Variants in LIMA1 observed in about 807,000 individuals in gnomAD.
LIMA1 encodes LIM domain and actin-binding protein 1.
Under a neutral mutation model 62.6 loss-of-function variants are expected in LIMA1, and 52 were observed. The ratio of observed to expected loss-of-function variants is 0.83; its 90% confidence interval spans 0.67 to 1.05. The LOEUF (loss-of-function observed/expected upper bound fraction) is 1.05, where lower values mean the gene tolerates loss of function less well. LIMA1 is among the 50% of genes least tolerant of loss of function. The probability of loss-of-function intolerance (pLI) is 0.00; values close to 1 mark genes in which losing one functional copy is unlikely to be tolerated. For synonymous variants in LIMA1, 302 were observed against 317.8 expected (o/e 0.95, Z 0.53); for missense variants, 780 against 902.2 (o/e 0.86, Z 1.74).
At chr12:50,267,844 T>C (rs1942158011) in intron 1 of LIMA1, among the ~76,000 whole-genome samples, 1 of 152,078 alleles carries the variant, frequency 6.6e-6, no homozygotes, top group African/African-American at 2.4e-5. Flanking sequence ...TGGTGAAGAA[T>C]GAGGTCTCAC....
chr12:50,236,564 G>T (rs1430794897), intron 2 of LIMA1, among the ~76,000 whole-genome samples: 1 of 152,068 alleles, frequency 6.6e-6, no homozygotes, highest in African/African-American at 2.4e-5. Flanking sequence ...CTCCCAAAGT[G>T]CTGGGATTAC....
chr12:50,184,976 C>T (rs1018062476), intron 9 of LIMA1, among the ~76,000 whole-genome samples: 4 of 152,018 alleles, frequency 2.6e-5, no homozygotes, highest in Admixed American at 1.3e-4. Flanking sequence ...GGATTACAGG[C>T]GTGCACCACC....
Position 50,232,561 on chromosome 12 carries a change from G to A in LIMA1, c.120-851C>T, listed in dbSNP as rs12300464. 2.8e-3 allele frequency among the ~76,000 whole-genome samples: 428 copies of A among 152,006 alleles called. 3 individuals are homozygous for A. The highest frequency in any genetic ancestry group is 9.5e-3 in the African/African-American group (396 of 41,480). ...ATTTTGTATTTTTCGTAGAGACAGG[G>A]TTTCACCATGTTGACCAGGCCAGTC... On this transcript the variant is annotated intron_variant, in intron 2 of 10. Coordinates refer to ENST00000341247, the MANE Select transcript of LIMA1 (RefSeq NM_016357.5).
intron 9 of LIMA1, chr12:50,190,016 T>A (rs1363739408): frequency 3.0e-5 from 2 of 66,812 alleles, no homozygotes; most frequent in Non-Finnish European, 7.3e-5. Context: ...GGCCAATTTT[T>A]TTTTTTTTTT....
intron 8 of LIMA1, among the ~76,000 whole-genome samples, chr12:50,193,517 TATATATACA>T (rs1565833086): frequency 2.9e-5 from 4 of 136,978 alleles, no homozygotes; most frequent in Admixed American, 1.6e-4. Context: ...GTATATATGA[TATATATACA>T]CATATATGAT....
intron 1 of LIMA1, among the ~76,000 whole-genome samples, chr12:50,279,003 T>C (rs1942306384): frequency 8.7e-6 from 1 of 114,428 alleles, no homozygotes; most frequent in Non-Finnish European, 1.7e-5. Context: ...TTTTTTTCTT[T>C]TCTTTTCTTT....
intron 9 of LIMA1, chr12:50,186,222 G>A (rs986844569): frequency 6.6e-6 from 1 of 152,144 alleles, no homozygotes; most frequent in Non-Finnish European, 1.5e-5. Flanking sequence ...CTGCCAATAC[G>A]ACAATGTTAG....
chr12:50,282,549 A>T (rs1026412188), intron 1 of LIMA1, among the ~76,000 whole-genome samples: 1 of 152,186 alleles, frequency 6.6e-6, no homozygotes, highest in Non-Finnish European at 1.5e-5. Context: ...TTTTTTGTAG[A>T]GACAAGGGTC....
intron 1 of LIMA1, among the ~76,000 whole-genome samples, chr12:50,269,918 C>CAAAAAAAAAAAAAAAAAA (rs1423265745): frequency 1.1e-5 from 1 of 88,136 alleles, no homozygotes; most frequent in African/African-American, 4.7e-5. Flanking sequence ...AAAACTCCGT[C>CAAAAAAAAAAAAAAAAAA]AAATAAAAAA....
chr12:50,258,639 C>CTTTTTTTTTTTTTTT (rs34324226), intron 1 of LIMA1, among the ~76,000 whole-genome samples: 1 of 67,384 alleles, frequency 1.5e-5, no homozygotes, highest in Admixed American at 1.6e-4. Flanking sequence ...TCTACCTATA[C>CTTTTTTTTTTTTTTT]TTTTTTTTTT....
At chr12:50,263,857 G>GAGTATATATATATATATATAGAGAGTA (rs1255520197) in intron 1 of LIMA1, among the ~76,000 whole-genome samples, 1 of 125,684 alleles carries the variant, frequency 8.0e-6, no homozygotes, top group East Asian at 2.2e-4. Context: ...TATATAGAGA[G>GAGTATATATATATATATATAGAGAGTA]TATATATATA....
intron 7 of LIMA1, among the ~76,000 whole-genome samples, chr12:50,197,063 GTAATCTT>G (rs1213430251): frequency 6.8e-6 from 1 of 147,930 alleles, no homozygotes; most frequent in East Asian, 2.0e-4. Flanking sequence ...AACCTGTGAG[GTAATCTT>G]TGCTTTTTTT....
chr12:50,184,316 T>C (rs1332997537), intron 9 of LIMA1, among the ~76,000 whole-genome samples: 1 of 152,190 alleles, frequency 6.6e-6, no homozygotes, highest in Non-Finnish European at 1.5e-5. Flanking sequence ...TTTAATTAAG[T>C]TTTCTCTAAA....
chr12:50,270,486 TC>T (rs753673276), intron 1 of LIMA1, among the ~76,000 whole-genome samples: 175 of 151,416 alleles, frequency 1.2e-3, no homozygotes, highest in Non-Finnish European at 2.2e-3. Flanking sequence ...GAGCCTGTAA[TC>T]CCAGCTACTC....
chr12:50,200,791 G>C lies in LIMA1; in HGVS notation c.958C>G (p.Gln320Glu). The C allele has an allele frequency of 6.2e-7, 1 of 1,614,034 alleles. No individual in the cohort carries two copies. Among genetic ancestry groups the C allele is most frequent in the Non-Finnish European group, 8.5e-7 (1 of 1,179,978 alleles). Residue 320 changes from glutamine to glutamate, a missense_variant, in exon 7 of 11, where the codon CAG (glutamine) becomes GAG (glutamate). By Grantham distance (29) the Gln-to-Glu change is conservative. Transcript: ENST00000341247. ...PPGPEVCITH[Q>E]EGEKISANEN... is the part of the protein sequence containing the mutation. ...TTTCAACCTACCTTTTCCCCTTCCT[G>C]ATGGGTGATGCAGACCTCAGGACCT...
chr12:50,275,201 A>G (rs1211310063), intron 1 of LIMA1, among the ~76,000 whole-genome samples: 1 of 151,538 alleles, frequency 6.6e-6, no homozygotes, highest in East Asian at 1.9e-4. Context: ...TACTAATAAT[A>G]CAAAAAAAAA....
chr12:50,260,903 A>G (rs1461345263), intron 1 of LIMA1, among the ~76,000 whole-genome samples: 1 of 129,040 alleles, frequency 7.7e-6, no homozygotes, highest in Non-Finnish European at 1.6e-5. Context: ...TAGCTGAGTG[A>G]TCTTGGGCAA....
chr12:50,206,241 AG>A (rs1315412238), intron 4 of LIMA1, among the ~76,000 whole-genome samples, 173 bp from the exon 5 acceptor site: 2 of 152,220 alleles, frequency 1.3e-5, no homozygotes, highest in Non-Finnish European at 2.9e-5. Flanking sequence ...ACAGGTGCCC[AG>A]GGAAAAATAA....
chr12:50,231,111 A>G (rs936955750), intron 3 of LIMA1, among the ~76,000 whole-genome samples: 2 of 152,232 alleles, frequency 1.3e-5, no homozygotes, highest in African/African-American at 4.8e-5. Context: ...ATTTCAAAAG[A>G]CATGTATTAT....
Sources: gnomAD v4.1 joint callset for allele counts (sites outside exome capture counted in the v4.1 genomes callset) on GRCh38, gnomAD v4.1.1 for gene constraint, MANE v1.5 for transcripts, NCBI Gene and HGNC (gene_info 2026-07-23, HGNC 2026-07-21) for gene names.